The following PCDHA10 variants were observed in gnomAD, a reference collection of about 807,000 sequenced individuals.
PCDHA10 encodes protocadherin alpha-10.
Under a neutral mutation model 61.2 loss-of-function variants are expected in PCDHA10, and 45 were observed. The ratio of observed to expected loss-of-function variants is 0.74; its 90% confidence interval spans 0.58 to 0.94. PCDHA10 has a LOEUF of 0.94. PCDHA10 is among the 40% of genes least tolerant of loss of function. PCDHA10 has a pLI of 0.00. For synonymous variants in PCDHA10, 602 were observed against 548.8 expected, an observed-to-expected ratio of 1.10 and a Z score of -1.35; for missense variants, 1,278 against 1,236.2, an observed-to-expected ratio of 1.03 and a Z score of -0.51.
rs148688132 is a variant in PCDHA10, at chr5:140,902,203, CTT to C, written c.2388+43784_2388+43785del. Among the ~76,000 whole-genome samples the C allele has an allele frequency of 5.2e-3, 642 of 124,424 alleles. 3 individuals are homozygous for C. The highest frequency in any genetic ancestry group is 0.019 in the African/African-American group (601 of 32,314). 81.6% of individuals were successfully genotyped at this position (124,424 alleles called of 152,430 possible). The stretch of plus-strand genomic sequence containing the variant: ...TTATGTCTTCTCTCTCTCTCTCTTT[CTT>C]TTTTTTTTTTTTTTTTGAGATGAGG... On this transcript the variant is annotated intron_variant, in intron 1 of 3. Coordinates refer to ENST00000307360, the MANE Select transcript of PCDHA10 (RefSeq NM_018901.4).
chr5:140,998,646 C>G (rs1413467899), intron 3 of PCDHA10, among the ~76,000 whole-genome samples: 1 of 151,870 alleles, frequency 6.6e-6, no homozygotes, highest in Non-Finnish European at 1.5e-5. Flanking sequence ...CTCACTGCAA[C>G]CTCTGCCTCC....
At chr5:140,966,638 T>A in intron 1 of PCDHA10, 2 of 1,090,114 alleles carry the variant, frequency 1.8e-6, no homozygotes, top group South Asian at 2.2e-5. Flanking sequence ...CCAGGCGCTT[T>A]CTAGAGCGTG....
intron 1 of PCDHA10, chr5:140,882,915 A>T: frequency 6.2e-7 from 1 of 1,614,228 alleles, no homozygotes; most frequent in Non-Finnish European, 8.5e-7. Context: ...ACAGCCAGTG[A>T]TGGAGGTAAA....
chr5:141,005,263 A>T (rs1223276392), intron 3 of PCDHA10, among the ~76,000 whole-genome samples: 2 of 152,198 alleles, frequency 1.3e-5, no homozygotes, highest in Admixed American at 1.3e-4. Context: ...GGCACTGGTG[A>T]TACATTGGTG....
chr5:140,888,886 T>TA (rs2062023222), intron 1 of PCDHA10, among the ~76,000 whole-genome samples: 1 of 152,036 alleles, frequency 6.6e-6, no homozygotes, highest in South Asian at 2.1e-4. Flanking sequence ...ATTAAAACAT[T>TA]AGAATTGAGG....
At chr5:141,002,956 G>C (rs782632089) in intron 3 of PCDHA10, among the ~76,000 whole-genome samples, 6 of 152,230 alleles carry the variant, frequency 3.9e-5, no homozygotes, top group Non-Finnish European at 7.3e-5. Context: ...GCCCCTCTGA[G>C]AGCTTTCCTG....
At chr5:140,891,494 C>T (rs548491891) in intron 1 of PCDHA10, among the ~76,000 whole-genome samples, 1 of 151,678 alleles carries the variant, frequency 6.6e-6, no homozygotes, top group South Asian at 2.1e-4. Flanking sequence ...TGAGCATATC[C>T]TCAGCTATAA....
Position 140,938,896 on chromosome 5 carries a change from C to T in PCDHA10, c.2389-40053C>T, listed in dbSNP as rs188490743. 3.9e-5 allele frequency among the ~76,000 whole-genome samples: 6 copies of T among 152,036 alleles called. 1 individual carries two copies. The East Asian group carries it at 1.2e-3, about 29-fold the overall frequency. The stretch of plus-strand genomic sequence containing the variant: ...GAAGCAACACACACACACACAGATG[C>T]GCACACACACACACGCACAAGAAAT... On this transcript the variant is annotated intron_variant, in intron 1 of 3. Transcript: ENST00000307360.
chr5:140,908,880 A>C (rs1342304863), intron 1 of PCDHA10, among the ~76,000 whole-genome samples: 1 of 152,204 alleles, frequency 6.6e-6, no homozygotes, highest in Non-Finnish European at 1.5e-5. Context: ...TCCAAAATCC[A>C]ATAGTCCCAA....
At chr5:140,905,802 C>T (rs1043410620) in intron 1 of PCDHA10, among the ~76,000 whole-genome samples, 11 of 152,152 alleles carry the variant, frequency 7.2e-5, no homozygotes, top group African/African-American at 2.7e-4. Flanking sequence ...TCTAGAGGGA[C>T]AGAATTAATA....
In PCDHA10 at chr5:140,884,064, C is replaced by A. The variant is rs150717183; in HGVS notation, c.2388+25628C>A. On this transcript the variant is annotated intron_variant, in intron 1 of 3. Transcript: ENST00000307360. ...GTGGCGAAGGTGCGCGCGGTGGACGCCGATTCGGGCTACAATGCGTGGCTT... is the reference window on the plus strand; with the variant it reads ...GTGGCGAAGGTGCGCGCGGTGGACGACGATTCGGGCTACAATGCGTGGCTT... 2.3e-3 allele frequency: 3,707 copies of A among 1,613,502 alleles called. 15 individuals carry two copies. Among genetic ancestry groups the A allele is most frequent in the Middle Eastern group, 9.0e-3 (54 of 5,970 alleles).
chr5:140,947,738 T>C (rs2153680991), intron 1 of PCDHA10, among the ~76,000 whole-genome samples: 1 of 151,740 alleles, frequency 6.6e-6, no homozygotes, highest in South Asian at 2.1e-4. Context: ...GTAATACCTA[T>C]TCTTATGTAT....
At chr5:140,926,470 GT>G (rs1204371892) in intron 1 of PCDHA10, 7 of 162,858 alleles carry the variant, frequency 4.3e-5, no homozygotes, top group Non-Finnish European at 9.2e-5. Context: ...AGAAAACACC[GT>G]TTAAGGAGAG....
intron 1 of PCDHA10, chr5:140,877,117 G>C: frequency 6.2e-7 from 1 of 1,613,720 alleles, no homozygotes; most frequent in Non-Finnish European, 8.5e-7. Flanking sequence ...GGGCAGCAAC[G>C]TGACGCTGCA....
chr5:140,982,662 T>C (rs1325546785), intron 3 of PCDHA10, 99 bp downstream of exon 3: 4 of 1,476,284 alleles, frequency 2.7e-6, no homozygotes, highest in Admixed American at 2.6e-5. Context: ...CTTTTTCTTT[T>C]ATATTTTTGT....
In PCDHA10 at chr5:140,858,202, A is replaced by C. The variant is rs782325182; in HGVS notation, c.2154A>C (p.Ala718=). Residue 718 remains alanine, a synonymous_variant, in exon 1 of 4, where the codon GCA becomes GCC. Transcript: ENST00000307360. The part of the protein sequence containing the change: ...LLVLTLLLYT[A]LRCSAAPTEG... The stretch of plus-strand genomic sequence containing the variant: ...TGCTCACGCTGCTGCTGTACACTGC[A>C]CTGAGGTGCTCGGCGGCGCCCACCG... The C allele has an allele frequency of 1.9e-6, 3 of 1,596,904 alleles. No homozygotes were observed. In the East Asian group the frequency reaches 6.7e-5, roughly 36 times the overall value.
At chr5:140,940,271 T>C (rs1371680526) in intron 1 of PCDHA10, among the ~76,000 whole-genome samples, 1 of 152,228 alleles carries the variant, frequency 6.6e-6, no homozygotes, top group East Asian at 1.9e-4. Context: ...GGTTCCACTG[T>C]TGTCTCATTG....
At chr5:140,954,007 C>T (rs1277033706) in intron 1 of PCDHA10, among the ~76,000 whole-genome samples, 4 of 152,144 alleles carry the variant, frequency 2.6e-5, no homozygotes, top group Non-Finnish European at 4.4e-5. Flanking sequence ...CATCATTCAG[C>T]TCCCACACAT....
chr5:140,922,926 T>C (rs1476173998), intron 1 of PCDHA10, among the ~76,000 whole-genome samples: 2 of 152,222 alleles, frequency 1.3e-5, no homozygotes, highest in African/African-American at 4.8e-5. Context: ...CTTCAGACTT[T>C]TACTTCCAGC....
Sources: gnomAD v4.1 joint callset for allele counts (sites outside exome capture counted in the v4.1 genomes callset) on GRCh38, gnomAD v4.1.1 for gene constraint, MANE v1.5 for transcripts, NCBI Gene and HGNC (gene_info 2026-07-23, HGNC 2026-07-21) for gene names.